The following NEURL1 variants were observed in gnomAD, a reference collection of about 807,000 sequenced individuals.
The protein encoded by NEURL1 is E3 ubiquitin-protein ligase NEURL1.
NEURL1 carries 26 observed loss-of-function variants against 41.2 expected under a neutral mutation model. The observed-to-expected ratio is 0.63, with a 90% CI of 0.46 to 0.87. The LOEUF is 0.87. Among genes scored for constraint, NEURL1 ranks in the 40% least tolerant of loss-of-function variants. The probability of loss-of-function intolerance (pLI) is 0.00; values close to 1 mark genes in which losing one functional copy is unlikely to be tolerated. For synonymous variants in NEURL1, 400 were observed against 402.3 expected, an observed-to-expected ratio of 0.99 and a Z score of 0.07; for missense variants, 761 against 871.1, an observed-to-expected ratio of 0.87 and a Z score of 1.59.
At chr10:103,546,221 G>A (rs1196378387) in intron 1 of NEURL1, among the ~76,000 whole-genome samples, 1 of 152,158 alleles carries the variant, frequency 6.6e-6, no homozygotes, top group Non-Finnish European at 1.5e-5. Flanking sequence ...TTGATGCTGT[G>A]TTTATTTAAC....
chr10:103,506,802 T>C (rs2033957767), intron 1 of NEURL1, among the ~76,000 whole-genome samples: 2 of 152,192 alleles, frequency 1.3e-5, no homozygotes, highest in Admixed American at 1.3e-4. Flanking sequence ...TCAAGTGATC[T>C]GCCTGCCTCG....
chr10:103,520,791 C>T (rs754191643), intron 1 of NEURL1, among the ~76,000 whole-genome samples: 9 of 152,056 alleles, frequency 5.9e-5, no homozygotes, highest in Non-Finnish European at 1.3e-4. Context: ...TGGGAACCTA[C>T]AGTGGGAGAG....
chr10:103,495,671 G>A (rs1197702493), intron 1 of NEURL1, among the ~76,000 whole-genome samples: 2 of 152,210 alleles, frequency 1.3e-5, no homozygotes. Context: ...CAGGGAAGAG[G>A]AGGAGAGATA....
At position 103,584,609 on chromosome 10, in the gene NEURL1, C is replaced by T; in HGVS notation, c.723C>T (p.Arg241=). The T allele has an allele frequency of 7.1e-7, 1 of 1,413,532 alleles. No homozygotes were observed. Among genetic ancestry groups the T allele is most frequent in the Non-Finnish European group, 9.2e-7 (1 of 1,089,572 alleles). The allele number at this position is 1,413,532 out of a possible 1,614,324, so 87.6% of individuals were successfully genotyped here. Residue 241 remains arginine, a synonymous_variant, in exon 4 of 6, where the codon CGC becomes CGT. Coordinates refer to ENST00000369780, the MANE Select transcript of NEURL1 (RefSeq NM_004210.5). Reference sequence around the variant, plus strand: ...CCCTGCGGCGGCCGTCGCTGCGGCGCGAGGCGGACGACGCGCGCCTCTCGG... The same window carrying T: ...CCCTGCGGCGGCCGTCGCTGCGGCGTGAGGCGGACGACGCGCGCCTCTCGG... ...FTALRRPSLR[R]EADDARLSVS...
chr10:103,562,560 A>G (rs941438388), intron 1 of NEURL1, among the ~76,000 whole-genome samples: 81 of 152,230 alleles, frequency 5.3e-4, no homozygotes, highest in African/African-American at 1.9e-3. Context: ...GCATAGAACC[A>G]AAATCATTCT....
chr10:103,573,198 CA>C (rs1183481646), intron 3 of NEURL1, among the ~76,000 whole-genome samples: 1 of 152,158 alleles, frequency 6.6e-6, no homozygotes, highest in Non-Finnish European at 1.5e-5. Flanking sequence ...AGTGTTTCTG[CA>C]CTCACAATGA....
intron 1 of NEURL1, among the ~76,000 whole-genome samples, chr10:103,534,225 T>TTA: frequency 6.6e-6 from 1 of 152,126 alleles, no homozygotes. Context: ...GATCTCTTTT[T>TTA]GAATTCCTTT....
intron 1 of NEURL1, among the ~76,000 whole-genome samples, chr10:103,499,366 CTT>C (rs1014463230): frequency 1.3e-4 from 20 of 152,090 alleles, no homozygotes; most frequent in African/African-American, 4.8e-4. Flanking sequence ...TGGACAAGGT[CTT>C]AGCTATTTTT....
chr10:103,587,233 A>G (rs948170153), intron 4 of NEURL1, among the ~76,000 whole-genome samples: 10 of 152,238 alleles, frequency 6.6e-5, no homozygotes, highest in African/African-American at 2.4e-4. Flanking sequence ...TCCTCAGGGC[A>G]AGGAAATTAC....
chr10:103,518,935 G>C (rs1188636733), intron 1 of NEURL1, among the ~76,000 whole-genome samples: 1 of 152,136 alleles, frequency 6.6e-6, no homozygotes, highest in Non-Finnish European at 1.5e-5. Flanking sequence ...TTAACAATAA[G>C]CACATATTGC....
At chr10:103,585,847 A>G (rs1233040735) in intron 4 of NEURL1, among the ~76,000 whole-genome samples, 1 of 152,036 alleles carries the variant, frequency 6.6e-6, no homozygotes, top group Non-Finnish European at 1.5e-5. Context: ...AAAAAAAAAA[A>G]AAAAGGTTTC....
intron 3 of NEURL1, among the ~76,000 whole-genome samples, chr10:103,574,471 G>C (rs2035615934): frequency 6.6e-6 from 1 of 152,226 alleles, no homozygotes; most frequent in African/African-American, 2.4e-5. Flanking sequence ...GCTGGGACTT[G>C]AACTGGGTGT....
intron 1 of NEURL1, among the ~76,000 whole-genome samples, chr10:103,540,721 CTCT>C (rs1269674468): frequency 1.3e-5 from 2 of 152,158 alleles, no homozygotes; most frequent in Non-Finnish European, 2.9e-5. Context: ...TTAGAGGATT[CTCT>C]TCTTGTTGAT....
chr10:103,517,642 A>G (rs1212144897), intron 1 of NEURL1, among the ~76,000 whole-genome samples: 1 of 152,256 alleles, frequency 6.6e-6, no homozygotes, highest in Non-Finnish European at 1.5e-5. Context: ...ACAAAGGTTC[A>G]TGAGTCAAAT....
At chr10:103,554,195 CCT>C (rs1358460580) in intron 1 of NEURL1, among the ~76,000 whole-genome samples, 1 of 152,218 alleles carries the variant, frequency 6.6e-6, no homozygotes, top group Non-Finnish European at 1.5e-5. Flanking sequence ...CCCTCTTCCC[CCT>C]CTGTTCCCAC....
At chr10:103,503,622 G>C (rs1324106874) in intron 1 of NEURL1, among the ~76,000 whole-genome samples, 1 of 152,062 alleles carries the variant, frequency 6.6e-6, no homozygotes, top group Non-Finnish European at 1.5e-5. Flanking sequence ...CACCTTCCTG[G>C]GCACGCCGAT....
At chr10:103,587,102 A>G (rs2035940066) in intron 4 of NEURL1, among the ~76,000 whole-genome samples, 1 of 152,178 alleles carries the variant, frequency 6.6e-6, no homozygotes, top group South Asian at 2.1e-4. Context: ...TCAAGCAAGC[A>G]GGCAAGATGA....
chr10:103,520,868 T>A (rs908584304), intron 1 of NEURL1, among the ~76,000 whole-genome samples: 2 of 152,114 alleles, frequency 1.3e-5, no homozygotes, highest in African/African-American at 4.8e-5. Context: ...AGGATTTGTC[T>A]TATAGAATGA....
At chr10:103,581,753 T>C (rs1037868243) in intron 3 of NEURL1, among the ~76,000 whole-genome samples, 2 of 152,060 alleles carry the variant, frequency 1.3e-5, no homozygotes, top group African/African-American at 4.8e-5. Context: ...GAGTACTGAG[T>C]CTGGTTTTGT....
Sources: allele counts gnomAD v4.1 joint callset (sites outside exome capture counted in the v4.1 genomes callset), GRCh38; gene constraint gnomAD v4.1.1; transcripts MANE v1.5; gene names NCBI Gene and HGNC (gene_info 2026-07-23, HGNC 2026-07-21).